PEAK1: variants seen among roughly 807,000 people sequenced by gnomAD.
The protein encoded by PEAK1 is inactive tyrosine-protein kinase PEAK1.
Under a neutral mutation model 124.7 loss-of-function variants are expected in PEAK1, and 54 were observed. That is an observed-to-expected ratio of 0.43 (90% CI 0.35 to 0.54). The LOEUF (loss-of-function observed/expected upper bound fraction) is 0.54, where lower values mean the gene tolerates loss of function less well. PEAK1 is among the 20% of genes least tolerant of loss of function. The pLI is 0.01. For missense variants in PEAK1, 2,046 were observed against 2,134.5 expected (o/e 0.96, Z 0.82); for synonymous variants, 719 against 760.0 (o/e 0.95, Z 0.89).
At chr15:77,182,067 ATCTG>A in intron 6 of PEAK1, 27 bp from the exon 7 acceptor site, 1 of 1,368,810 alleles carries the variant, frequency 7.3e-7, no homozygotes, top group African/African-American at 1.5e-5. Flanking sequence ...AAGACAAAAA[ATCTG>A]AATGAAAAAG....
intron 1 of PEAK1, among the ~76,000 whole-genome samples, chr15:77,396,966 T>A (rs535493790): frequency 6.6e-6 from 1 of 152,216 alleles, no homozygotes; most frequent in Non-Finnish European, 1.5e-5. Flanking sequence ...ATGGACCTAA[T>A]AGATCTTTAC....
chr15:77,295,026 G>A (rs1047248626), intron 2 of PEAK1, among the ~76,000 whole-genome samples: 5 of 152,180 alleles, frequency 3.3e-5, no homozygotes, highest in Admixed American at 6.5e-5. Flanking sequence ...TGGCACTGAT[G>A]TAAGTCAAGG....
chr15:77,142,281 A>G (rs1300217910), intron 8 of PEAK1, among the ~76,000 whole-genome samples: 1 of 152,234 alleles, frequency 6.6e-6, no homozygotes, highest in Non-Finnish European at 1.5e-5. Context: ...TTTCACATCT[A>G]CTAGGTTAGC....
intron 2 of PEAK1, among the ~76,000 whole-genome samples, chr15:77,324,749 C>T (rs2065461331): frequency 6.6e-6 from 1 of 152,026 alleles, no homozygotes; most frequent in African/African-American, 2.4e-5. Flanking sequence ...TTTTAAATGA[C>T]CAGATCTTGC....
intron 6 of PEAK1, among the ~76,000 whole-genome samples, chr15:77,242,647 T>A (rs976502052): frequency 2.0e-5 from 3 of 152,180 alleles, no homozygotes; most frequent in African/African-American, 7.2e-5. Flanking sequence ...GTTTTTAGAT[T>A]TTCCTATTTT....
chr15:77,396,980 A>C (rs2070940028), intron 1 of PEAK1, among the ~76,000 whole-genome samples: 1 of 152,238 alleles, frequency 6.6e-6, no homozygotes, highest in Non-Finnish European at 1.5e-5. Context: ...TCTTTACAGA[A>C]CATTTTATCC....
chr15:77,114,477 C>A lies in PEAK1; in HGVS notation c.4920G>T (p.Gln1640His). 1 of 1,614,052 alleles carries A rather than the reference C, an allele frequency of 6.2e-7. No individual in the cohort carries two copies. The highest frequency in any genetic ancestry group is 8.5e-7 in the Non-Finnish European group (1 of 1,179,974). The stretch of plus-strand genomic sequence containing the variant: ...TGGGATTCAGGAGGCAGCTGGCCAG[C>A]TGCTGCAGACCCCGGGAGTAGGGGG... ...FRSPYSRGLQ[Q>H]LASCLLNPNP... is the part of the protein sequence containing the mutation. The change falls in exon 10 of 10, where the codon CAG becomes CAT. Residue 1640 changes from glutamine to histidine, a missense_variant. Transcript: ENST00000682557.
At chr15:77,145,623 G>C (rs547153655) in intron 8 of PEAK1, among the ~76,000 whole-genome samples, 3 of 152,162 alleles carry the variant, frequency 2.0e-5, no homozygotes, top group Admixed American at 2.0e-4. Context: ...TGATCTCTCT[G>C]CCTCCTGTCA....
At chr15:77,170,646 CA>C (rs2056442481) in intron 7 of PEAK1, among the ~76,000 whole-genome samples, 1 of 152,058 alleles carries the variant, frequency 6.6e-6, no homozygotes, top group South Asian at 2.1e-4. Context: ...GTAATGAGGT[CA>C]ACTCCTATTG....
In PEAK1 at chr15:77,256,757, G is replaced by C. The variant is rs1596927398; in HGVS notation, c.-274-4231C>G. Among the ~76,000 whole-genome samples the C allele has an allele frequency of 2.0e-5, 3 of 151,470 alleles. No individual in the cohort carries two copies. In the East Asian group the frequency reaches 5.8e-4, roughly 29 times the overall value. On this transcript the variant is annotated intron_variant, in intron 5 of 9. Transcript: ENST00000682557. ...TATTATTATTATACTTTAATTTTCAGGGTACATGTGCACAATGTGCAGGTT... is the reference window on the plus strand; with the variant it reads ...TATTATTATTATACTTTAATTTTCACGGTACATGTGCACAATGTGCAGGTT...
At chr15:77,288,059 C>T (rs2063019139) in intron 2 of PEAK1, among the ~76,000 whole-genome samples, 1 of 152,160 alleles carries the variant, frequency 6.6e-6, no homozygotes, top group Non-Finnish European at 1.5e-5. Flanking sequence ...TATTTACATA[C>T]TTCTGCCAAC....
intron 1 of PEAK1, among the ~76,000 whole-genome samples, chr15:77,407,976 CACATAT>C (rs1249261249): frequency 6.7e-6 from 1 of 149,856 alleles, no homozygotes; most frequent in African/African-American, 2.4e-5. Context: ...CATATATACA[CACATAT>C]ACATATATAC....
At position 77,139,831 on chromosome 15, in the gene PEAK1, T is replaced by C. The variant is rs563252676; in HGVS notation, c.3332-6081A>G. Among the ~76,000 whole-genome samples the C allele has an allele frequency of 3.3e-5, 5 of 151,584 alleles. No homozygotes were observed. In the South Asian group the frequency reaches 1.0e-3, roughly 32 times the overall value. Reference sequence around the variant, plus strand: ...TATACACATATAATATATATATAAATTGTGTCTATATGTATATATTTAGAG... The same window carrying C: ...TATACACATATAATATATATATAAACTGTGTCTATATGTATATATTTAGAG... On this transcript the variant is annotated intron_variant, in intron 8 of 9. Transcript: ENST00000682557.
rs2053007081 is a variant in PEAK1 at position 77,132,990 on chromosome 15, A to G, written c.4077+15T>C. ...GTGGTTAAGACTTAACATGAGATTT[A>G]TAATATTTTCTTACCTTGACTGCAT... On this transcript the variant is annotated intron_variant, in intron 9 of 9. Transcript: ENST00000682557. 2 of 1,592,628 alleles carry G rather than the reference A, an allele frequency of 1.3e-6. No individual in the cohort carries two copies. Among genetic ancestry groups the G allele is most frequent in the Non-Finnish European group, 1.7e-6 (2 of 1,165,536 alleles).
chr15:77,295,895 C>G (rs1451228679), intron 2 of PEAK1, among the ~76,000 whole-genome samples: 1 of 152,142 alleles, frequency 6.6e-6, no homozygotes, highest in Non-Finnish European at 1.5e-5. Context: ...AAAGCTTCAA[C>G]AGTGAATATT....
intron 2 of PEAK1, among the ~76,000 whole-genome samples, chr15:77,308,475 T>A (rs1164260032): frequency 6.6e-6 from 1 of 152,078 alleles, no homozygotes; most frequent in African/African-American, 2.4e-5. Flanking sequence ...TGTATTTAAG[T>A]CCCTTCTGAT....
At chr15:77,120,207 T>C (rs995264442) in intron 9 of PEAK1, among the ~76,000 whole-genome samples, 2 of 152,198 alleles carry the variant, frequency 1.3e-5, no homozygotes, top group African/African-American at 4.8e-5. Context: ...AGTTTTTCAT[T>C]GACAAACTCT....
chr15:77,136,272 G>C (rs888506236), intron 8 of PEAK1, among the ~76,000 whole-genome samples: 5 of 152,192 alleles, frequency 3.3e-5, no homozygotes, highest in African/African-American at 9.7e-5. Context: ...GAAGACTTAG[G>C]GTATCTGGCA....
At chr15:77,107,754 T>A (rs1053929926), downstream of PEAK1, 1 of 152,326 alleles carries the variant, frequency 6.6e-6, no homozygotes, top group Non-Finnish European at 1.5e-5. Context: ...CCGCTCATAT[T>A]ACCTGAATAG....
Sources: allele counts gnomAD v4.1 joint callset (sites outside exome capture counted in the v4.1 genomes callset), GRCh38; gene constraint gnomAD v4.1.1; transcripts MANE v1.5; gene names NCBI Gene and HGNC (gene_info 2026-07-23, HGNC 2026-07-21).